Variants in ADGRV1 observed in about 807,000 individuals in gnomAD.
The protein encoded by ADGRV1 is adhesion G protein-coupled receptor V1.
Under a neutral mutation model 596.2 loss-of-function variants are expected in ADGRV1, and 359 were observed. That is an observed-to-expected ratio of 0.60 (90% CI 0.55 to 0.66). The LOEUF is 0.66. Among genes scored for constraint, ADGRV1 ranks in the 30% least tolerant of loss-of-function variants. The probability of loss-of-function intolerance (pLI) is 0.00; values close to 1 mark genes in which losing one functional copy is unlikely to be tolerated. For synonymous variants in ADGRV1, 2,681 were observed against 2,679.2 expected (o/e 1.00, Z -0.02); for missense variants, 7,274 against 7,575.6 (o/e 0.96, Z 1.48).
chr5:90,648,852 A>G (rs187949845), intron 17 of ADGRV1, among the ~76,000 whole-genome samples: 123 of 152,380 alleles, frequency 8.1e-4, no homozygotes, highest in African/African-American at 2.9e-3. Flanking sequence ...AAACATCGTC[A>G]GATCTTACGT....
At chr5:91,123,921 A>G (rs1793537373) in intron 87 of ADGRV1, among the ~76,000 whole-genome samples, 1 of 152,178 alleles carries the variant, frequency 6.6e-6, no homozygotes, top group Admixed American at 6.5e-5. Context: ...GATAATTCAA[A>G]TAAACATGAC....
At chr5:91,150,328 C>G in intron 88 of ADGRV1, 107 bp downstream of exon 88, 1 of 851,322 alleles carries the variant, frequency 1.2e-6, no homozygotes, top group Non-Finnish European at 1.7e-6. Flanking sequence ...AGGCTCTCCA[C>G]CTCATAAAGA....
chr5:90,607,496 CAG>C (rs1039245403), intron 1 of ADGRV1, among the ~76,000 whole-genome samples: 9 of 152,076 alleles, frequency 5.9e-5, no homozygotes, highest in African/African-American at 2.2e-4. Context: ...CTAAATAAAA[CAG>C]GGGATTAAGT....
chr5:91,054,204 C>G (rs1464364796), intron 85 of ADGRV1, among the ~76,000 whole-genome samples: 1 of 151,598 alleles, frequency 6.6e-6, no homozygotes, highest in African/African-American at 2.4e-5. Flanking sequence ...TAGCAGATAG[C>G]ATTTTGATAC....
At chr5:91,009,331 A>G (rs953800283) in intron 85 of ADGRV1, among the ~76,000 whole-genome samples, 2 of 152,000 alleles carry the variant, frequency 1.3e-5, no homozygotes, top group African/African-American at 2.4e-5. Flanking sequence ...ACTCTTATAG[A>G]CTCATTATTG....
intron 21 of ADGRV1, among the ~76,000 whole-genome samples, chr5:90,663,557 T>A (rs1310659938): frequency 6.6e-6 from 1 of 152,144 alleles, no homozygotes; most frequent in Non-Finnish European, 1.5e-5. Flanking sequence ...TCCCATTTTG[T>A]AGGTTGCCTG....
At chr5:90,666,452 T>C (rs1315636491) in intron 21 of ADGRV1, among the ~76,000 whole-genome samples, 3 of 152,010 alleles carry the variant, frequency 2.0e-5, no homozygotes, top group Non-Finnish European at 2.9e-5. Flanking sequence ...CCTTTTTTTG[T>C]TTTCCATTTG....
At chr5:91,142,401 T>G (rs560761025) in intron 87 of ADGRV1, among the ~76,000 whole-genome samples, 1 of 152,338 alleles carries the variant, frequency 6.6e-6, no homozygotes, top group East Asian at 1.9e-4. Flanking sequence ...GAGCATAATT[T>G]GAATGGAGAT....
At position 90,763,353 on chromosome 5, in the gene ADGRV1, A is replaced by G; in HGVS notation, c.12169A>G (p.Thr4057Ala). The change falls in exon 59 of 90, where the codon ACA (threonine) becomes GCA (alanine). Residue 4057 changes from threonine (T) to alanine (A), a missense_variant. Physicochemically the swap from Thr to Ala is moderately conservative, Grantham distance 58. Coordinates refer to ENST00000405460, the MANE Select transcript of ADGRV1 (RefSeq NM_032119.4). ...ATCCGATGACCCTGATTCATATGTG[A>G]CATTGACGGTTGTCCGGTCCCCAGG... ...LSSDDPDSYVTLTVVRSPGGK... is the reference protein window; with the variant it reads ...LSSDDPDSYVALTVVRSPGGK... The G allele has an allele frequency of 6.2e-7, 1 of 1,611,848 alleles. No homozygotes were observed.
chr5:90,690,720 A>G (rs1012459733), intron 30 of ADGRV1, 77 bp from the exon 31 acceptor site: 5 of 1,388,184 alleles, frequency 3.6e-6, no homozygotes, highest in Non-Finnish European at 3.0e-6. Context: ...AGAATCCACT[A>G]TAGGATGGTG....
intron 87 of ADGRV1, among the ~76,000 whole-genome samples, chr5:91,104,325 A>G (rs917476658): frequency 2.7e-4 from 41 of 152,340 alleles, no homozygotes; most frequent in African/African-American, 9.9e-4. Flanking sequence ...GACACATAAT[A>G]ATTGTATATT....
intron 85 of ADGRV1, among the ~76,000 whole-genome samples, chr5:91,042,484 G>A (rs1049207281): frequency 6.6e-6 from 1 of 152,062 alleles, no homozygotes; most frequent in Non-Finnish European, 1.5e-5. Context: ...CAATCACATT[G>A]CAGACAGCTA....
In ADGRV1 at chr5:90,652,359, C is replaced by T. The variant is rs1321788006; in HGVS notation, c.3430C>T (p.Arg1144Ter). ...TTTATTTTGTAGGATTTTGAGGCAC[C>T]GAGGATACTTTGGTAGTGTTTCTGT... Reference protein sequence around the residue: ...KTNAFWILRHRGYFGSVSVSW... With the variant: ...KTNAFWILRH Residue 1144 changes from arginine to a stop codon, truncating the protein, a stop_gained, in exon 19 of 90, where the codon CGA becomes TGA. Transcript: ENST00000405460. LOFTEE classifies it high-confidence loss of function. The T allele has an allele frequency of 6.3e-6, 10 of 1,588,300 alleles. No individual in the cohort carries two copies. The highest frequency in any genetic ancestry group is 2.2e-5 in the East Asian group (1 of 44,484).
In ADGRV1 at chr5:90,755,132, AT is replaced by A; in HGVS notation, c.11528del (p.Ile3843LysfsTer2). On this transcript the variant is annotated frameshift_variant, in exon 55 of 90. Coordinates refer to ENST00000405460, the MANE Select transcript of ADGRV1 (RefSeq NM_032119.4). LOFTEE classifies it high-confidence loss of function. Reference protein sequence around the residue: ...NEDYVLQETIIIMKENIKEAH... With the variant: ...NEDYVLQETIXIMKENIKEAH... ...AGATTATGTATTGCAAGAAACAATA[AT>A]AATAATGAAAGAAAACATAAAAGAA... is the stretch of plus-strand genomic sequence containing the variant. The A allele has an allele frequency of 6.2e-7, 1 of 1,611,096 alleles. No homozygotes were observed. The highest frequency in any genetic ancestry group is 8.5e-7 in the Non-Finnish European group (1 of 1,178,784).
chr5:90,976,232 A>T (rs1562031130), intron 84 of ADGRV1, among the ~76,000 whole-genome samples: 1 of 147,584 alleles, frequency 6.8e-6, no homozygotes, highest in African/African-American at 2.5e-5. Context: ...ATATATATAT[A>T]TACACAATGT....
At chr5:90,874,814 C>T (rs1373370335) in intron 83 of ADGRV1, among the ~76,000 whole-genome samples, 1 of 151,666 alleles carries the variant, frequency 6.6e-6, no homozygotes, top group East Asian at 1.9e-4. Flanking sequence ...GTGGAGATCG[C>T]ACCACTGCAC....
intron 10 of ADGRV1, 92 bp downstream of exon 10, chr5:90,635,382 C>T (rs904537185): frequency 6.7e-5 from 78 of 1,164,714 alleles, no homozygotes; most frequent in Non-Finnish European, 9.2e-5. Flanking sequence ...ATAGGGTTAA[C>T]ATCTTAAAAA....
chr5:91,027,048 A>G (rs1197738486), intron 85 of ADGRV1, among the ~76,000 whole-genome samples: 1 of 151,766 alleles, frequency 6.6e-6, no homozygotes, highest in African/African-American at 2.4e-5. Flanking sequence ...AGGCTGAGGC[A>G]GGAGAATCTC....
At chr5:91,163,561 G>A (rs1200258606) in intron 89 of ADGRV1, among the ~76,000 whole-genome samples, 2 of 152,288 alleles carry the variant, frequency 1.3e-5, no homozygotes, top group Non-Finnish European at 2.9e-5. Flanking sequence ...ACCCAAATGT[G>A]TGTCTTTAGA....
Sources: allele counts gnomAD v4.1 joint callset (sites outside exome capture counted in the v4.1 genomes callset), GRCh38; gene constraint gnomAD v4.1.1; transcripts MANE v1.5; gene names NCBI Gene and HGNC (gene_info 2026-07-23, HGNC 2026-07-21).